The following MRPL3 variants were observed in gnomAD, a reference collection of about 807,000 sequenced individuals.
The protein encoded by MRPL3 is large ribosomal subunit protein uL3m.
MRPL3 carries 43 observed loss-of-function variants against 44.3 expected under a neutral mutation model. The ratio of observed to expected loss-of-function variants is 0.97; its 90% CI spans 0.76 to 1.25. MRPL3 has a LOEUF of 1.25. Ranked by LOEUF, MRPL3 falls within the 50% of genes most tolerant of loss-of-function variation. The probability of loss-of-function intolerance (pLI) is 0.00; values close to 1 mark genes in which losing one functional copy is unlikely to be tolerated. For missense variants in MRPL3, 406 were observed against 427.6 expected (o/e 0.95, Z 0.45); for synonymous variants, 171 against 152.3 (o/e 1.12, Z -0.91).
intron 6 of MRPL3, among the ~76,000 whole-genome samples, chr3:131,475,438 C>T (rs1446986955): frequency 2.0e-5 from 3 of 152,122 alleles, no homozygotes; most frequent in Admixed American, 6.6e-5. Flanking sequence ...GGTGGGAGGG[C>T]TGCTTGAGGT....
rs779568329 is a variant in MRPL3, at chr3:131,501,560, T to C, written c.248A>G (p.Glu83Gly). 6.2e-7 allele frequency: 1 copy of C among 1,612,044 alleles called. No homozygotes were observed. Among genetic ancestry groups the C allele is most frequent in the Non-Finnish European group, 8.5e-7 (1 of 1,179,898 alleles). The change falls in exon 2 of 10, where the codon GAA (glutamate) becomes GGA (glycine). Residue 83 changes from glutamate to glycine, a missense_variant. Glu to Gly is a moderately conservative substitution (Grantham distance 98). Coordinates refer to ENST00000264995, the MANE Select transcript of MRPL3 (RefSeq NM_007208.4). Reference sequence around the variant, plus strand: ...TTCCCAAGGATGTATAGGCCATGGTTCATCTTTCAGAGGACACAGTTTACT... The same window carrying C: ...TTCCCAAGGATGTATAGGCCATGGTCCATCTTTCAGAGGACACAGTTTACT... ...LASKLCPLKD[E>G]PWPIHPWEPG... is the part of the protein sequence containing the mutation.
intron 6 of MRPL3, among the ~76,000 whole-genome samples, chr3:131,472,116 T>C (rs777292559): frequency 1.3e-5 from 2 of 152,188 alleles, no homozygotes; most frequent in Non-Finnish European, 2.9e-5. Context: ...ATGTTTGTTA[T>C]TTTAAGCTAT....
Position 131,471,171 on chromosome 3 carries a change from A to G in MRPL3, c.738T>C (p.Gly246=), listed in dbSNP as rs1452753647. ...THRRPGAVAT[G]DIGRVWPGTK... is the part of the protein sequence containing the mutation. Reference sequence around the variant, plus strand: ...AAAGAGCTTCACTAGTTATACTCACACCAGTTGCAACAGCTCCAGGTCTCC... The same window carrying G: ...AAAGAGCTTCACTAGTTATACTCACGCCAGTTGCAACAGCTCCAGGTCTCC... Residue 246 remains glycine (G), a splice_region_variant and synonymous_variant, in exon 7 of 10, where the codon GGT becomes GGC. Transcript: ENST00000264995. The G allele has an allele frequency of 6.2e-7, 1 of 1,605,294 alleles. No individual in the cohort carries two copies. The highest frequency in any genetic ancestry group is 1.3e-5 in the African/African-American group (1 of 74,842).
In MRPL3 at chr3:131,502,907, A is replaced by T; in HGVS notation, c.-86T>A. The T allele has an allele frequency of 7.9e-7, 1 of 1,265,982 alleles. No homozygotes were observed. The highest frequency in any genetic ancestry group is 1.1e-6 in the Non-Finnish European group (1 of 883,886). 78.4% of individuals were successfully genotyped at this position (1,265,982 alleles called of 1,614,324 possible). A position where few individuals can be genotyped will look rare whatever the true frequency, so the allele number is the denominator to read the frequency against. On this transcript the variant is annotated 5_prime_UTR_variant, in exon 1 of 10. Transcript: ENST00000264995. ...GAGTCCCCACGCCACCGCCACGTGGACGCAGTAGCCGTGGGGAAGTTTTCG... is the reference window on the plus strand; with the variant it reads ...GAGTCCCCACGCCACCGCCACGTGGTCGCAGTAGCCGTGGGGAAGTTTTCG...
At chr3:131,467,934 A>C (rs1277889980) in intron 9 of MRPL3, among the ~76,000 whole-genome samples, 157 bp downstream of exon 9, 1 of 152,094 alleles carries the variant, frequency 6.6e-6, no homozygotes, top group East Asian at 1.9e-4. Flanking sequence ...ATGTGGAAAA[A>C]CAGCCATTTA....
chr3:131,469,768 A>G lies in MRPL3; in HGVS notation c.744T>C (p.Ile248=). The part of the protein sequence containing the change: ...RRPGAVATGD[I]GRVWPGTKMP... ...TTTTAGTTCCAGGCCAGACTCTGCC[A>G]ATATCCTAAATGAGAAAACTAAAGT... Residue 248 remains isoleucine, a synonymous_variant, in exon 8 of 10, where the codon ATT becomes ATC. Transcript: ENST00000264995. 6.2e-7 allele frequency: 1 copy of G among 1,610,278 alleles called. No homozygotes were observed. Among genetic ancestry groups the G allele is most frequent in the Non-Finnish European group, 8.5e-7 (1 of 1,177,392 alleles).
chr3:131,498,000 T>C (rs1220485057), intron 4 of MRPL3, 179 bp downstream of exon 4: 2 of 607,000 alleles, frequency 3.3e-6, no homozygotes, highest in African/African-American at 3.7e-5. Flanking sequence ...TAGAACAAAC[T>C]CAAGAGTCTC....
intron 7 of MRPL3, among the ~76,000 whole-genome samples, chr3:131,470,775 G>A (rs928942611): frequency 4.0e-5 from 6 of 151,864 alleles, no homozygotes; most frequent in Admixed American, 1.3e-4. Context: ...ATACTTTAAC[G>A]CCCTTTTCCA....
At position 131,502,928 on chromosome 3, in the gene MRPL3, T is replaced by C; in HGVS notation, c.-107A>G. 1 of 1,062,986 alleles carries C rather than the reference T, an allele frequency of 9.4e-7. No homozygotes were observed. Among genetic ancestry groups the C allele is most frequent in the Non-Finnish European group, 1.4e-6 (1 of 705,820 alleles). The allele number at this position is 1,062,986 out of a possible 1,614,324, so 65.8% of individuals were successfully genotyped here. On this transcript the variant is annotated 5_prime_UTR_variant, in exon 1 of 10. Coordinates refer to ENST00000264995, the MANE Select transcript of MRPL3 (RefSeq NM_007208.4). ...GTGGACGCAGTAGCCGTGGGGAAGT[T>C]TTCGCAATGGCCGCCGGAACGGTCG...
chr3:131,492,269 C>T (rs16836836), intron 4 of MRPL3, among the ~76,000 whole-genome samples: 3,393 of 152,030 alleles, frequency 0.022, 131 homozygotes, highest in African/African-American at 0.078. Flanking sequence ...AGGAAGCTTC[C>T]GAGAAAAATC....
At chr3:131,479,583 G>A (rs568708442) in intron 6 of MRPL3, among the ~76,000 whole-genome samples, 3 of 152,128 alleles carry the variant, frequency 2.0e-5, no homozygotes, top group East Asian at 1.9e-4. Context: ...GGTGGCTCAC[G>A]GCCTGTAATC....
chr3:131,480,947 G>A (rs1164832164), intron 6 of MRPL3, among the ~76,000 whole-genome samples: 5 of 152,140 alleles, frequency 3.3e-5, no homozygotes, highest in African/African-American at 1.2e-4. Flanking sequence ...TAAAGATAAT[G>A]AAATCGAAAT....
rs1239509804 is a variant in MRPL3 at position 131,489,961 on chromosome 3, T to C, written c.568+20A>G. 2.0e-6 allele frequency: 3 copies of C among 1,514,890 alleles called. No homozygotes were observed. The South Asian group carries it at 3.4e-5, about 17-fold the overall frequency. The allele number at this position is 1,514,890 out of a possible 1,614,324, so 93.8% of individuals were successfully genotyped here. On this transcript the variant is annotated intron_variant, in intron 5 of 9. Coordinates refer to ENST00000264995, the MANE Select transcript of MRPL3 (RefSeq NM_007208.4). ...TATTTGGGTATTTTTACCTCCCTCCTCTCCCCAACCTCAAATTACCTGGTT... is the reference window on the plus strand; with the variant it reads ...TATTTGGGTATTTTTACCTCCCTCCCCTCCCCAACCTCAAATTACCTGGTT...
chr3:131,482,104 T>C (rs1934000387), intron 6 of MRPL3, among the ~76,000 whole-genome samples: 1 of 152,208 alleles, frequency 6.6e-6, no homozygotes, highest in African/African-American at 2.4e-5. Context: ...TTGACTTTGG[T>C]AGGCAACAAT....
chr3:131,474,804 C>T (rs1933820562), intron 6 of MRPL3, among the ~76,000 whole-genome samples: 1 of 142,306 alleles, frequency 7.0e-6, no homozygotes, highest in South Asian at 2.2e-4. Flanking sequence ...CAGGGTCTTA[C>T]TCTGCCAACC....
chr3:131,488,414 T>C (rs990687667), intron 5 of MRPL3, among the ~76,000 whole-genome samples: 12 of 152,172 alleles, frequency 7.9e-5, no homozygotes, highest in Non-Finnish European at 1.5e-4. Context: ...TTTTAAAAAG[T>C]TTTAAATTTT....
intron 6 of MRPL3, among the ~76,000 whole-genome samples, chr3:131,478,566 A>G (rs1933905593): frequency 6.6e-6 from 1 of 152,162 alleles, no homozygotes; most frequent in Admixed American, 6.6e-5. Context: ...GAGTCCCTAA[A>G]TAAGCCACTC....
chr3:131,489,450 G>A (rs1934199483), intron 5 of MRPL3, among the ~76,000 whole-genome samples: 1 of 152,064 alleles, frequency 6.6e-6, no homozygotes, highest in Non-Finnish European at 1.5e-5. Flanking sequence ...AGATCAGGGA[G>A]CTTTTCTGAA....
intron 6 of MRPL3, among the ~76,000 whole-genome samples, chr3:131,478,863 TTG>T (rs1229843551): frequency 1.3e-5 from 2 of 151,866 alleles, no homozygotes; most frequent in Non-Finnish European, 2.9e-5. Flanking sequence ...GGCTAATTTT[TTG>T]TCTTTTTAGT....
Sources: allele counts gnomAD v4.1 joint callset (sites outside exome capture counted in the v4.1 genomes callset), GRCh38; gene constraint gnomAD v4.1.1; transcripts MANE v1.5; gene names NCBI Gene and HGNC (gene_info 2026-07-23, HGNC 2026-07-21).